The following ITPKB variants were observed in gnomAD, a reference collection of about 807,000 sequenced individuals.
ITPKB encodes the protein IP3 3-kinase B.
In ITPKB, 13 loss-of-function variants were observed where a neutral mutation model predicts 69.4. The observed-to-expected ratio is 0.19, with a 90% CI of 0.12 to 0.30. The LOEUF (loss-of-function observed/expected upper bound fraction) is 0.30. ITPKB is among the 10% of genes least tolerant of loss of function. ITPKB has a pLI of 1.00. For missense variants in ITPKB, 1,240 were observed against 1,250.5 expected (o/e 0.99, Z 0.13); for synonymous variants, 584 against 513.7 (o/e 1.14, Z -1.85).
At chr1:226,723,981 A>G (rs964106870) in intron 2 of ITPKB, among the ~76,000 whole-genome samples, 1 of 152,158 alleles carries the variant, frequency 6.6e-6, no homozygotes, top group Non-Finnish European at 1.5e-5. Context: ...GACTCGAGCC[A>G]ATTGGTGAAG....
At chr1:226,699,589 A>C (rs1477729227) in intron 2 of ITPKB, among the ~76,000 whole-genome samples, 2 of 152,256 alleles carry the variant, frequency 1.3e-5, no homozygotes, top group African/African-American at 4.8e-5. Context: ...AAATATTCAA[A>C]CCACTTAGAA....
At chr1:226,639,963 G>A (rs1447251231) in intron 5 of ITPKB, among the ~76,000 whole-genome samples, 7 of 152,144 alleles carry the variant, frequency 4.6e-5, no homozygotes, top group African/African-American at 1.2e-4. Flanking sequence ...AGCATGACCC[G>A]GGGCTGGCCT....
At chr1:226,719,701 G>A (rs1028839328) in intron 2 of ITPKB, among the ~76,000 whole-genome samples, 2 of 152,222 alleles carry the variant, frequency 1.3e-5, no homozygotes, top group Non-Finnish European at 2.9e-5. Context: ...TGCGCAGGCC[G>A]TGCAGCTCCA....
chr1:226,737,064 C>G lies in ITPKB; in HGVS notation c.395G>C (p.Arg132Pro), dbSNP rs749127079. 2 of 1,611,478 alleles carry G rather than the reference C, an allele frequency of 1.2e-6. No homozygotes were observed. Among genetic ancestry groups the G allele is most frequent in the African/African-American group, 2.7e-5 (2 of 75,054 alleles). ...GTTCTGCAACTCGCGCTGCAAGATC[C>G]GCAGCTTCCTCTTGGCCTCCTCCGG... Reference protein sequence around the residue: ...PGPEEAKRKLRILQRELQNVQ... With the variant: ...PGPEEAKRKLPILQRELQNVQ... Residue 132 changes from arginine (R) to proline (P), a missense_variant, in exon 2 of 8, where the codon CGG becomes CCG. Physicochemically the swap from Arg to Pro is moderately radical, Grantham distance 103. Coordinates refer to ENST00000429204, the MANE Select transcript of ITPKB (RefSeq NM_002221.4).
intron 2 of ITPKB, among the ~76,000 whole-genome samples, chr1:226,720,918 T>C (rs543209069): frequency 3.6e-4 from 55 of 152,140 alleles, no homozygotes; most frequent in Non-Finnish European, 6.9e-4. Flanking sequence ...GGCACCTGTC[T>C]GTAATCCCAG....
At chr1:226,711,225 A>G (rs945944233) in intron 2 of ITPKB, among the ~76,000 whole-genome samples, 8 of 152,120 alleles carry the variant, frequency 5.3e-5, no homozygotes, top group African/African-American at 1.7e-4. Context: ...GGCCAACACC[A>G]TGTCCAAGCT....
At position 226,637,346 on chromosome 1, in the gene ITPKB, T is replaced by C. The variant is rs900943506; in HGVS notation, c.2625+333A>G. Among the ~76,000 whole-genome samples the C allele has an allele frequency of 1.3e-5, 2 of 152,224 alleles. No homozygotes were observed. Among genetic ancestry groups the C allele is most frequent in the African/African-American group, 4.8e-5 (2 of 41,462 alleles). On this transcript the variant is annotated intron_variant, in intron 7 of 7. Transcript: ENST00000429204. The surrounding 1 kb of genome is among the most constrained non-coding windows in gnomAD (Gnocchi z 4.3). Reference sequence around the variant, plus strand: ...GCGGTCGGCGGGTGCCTGGCTACTCTAGCAGCTCAGAGAGCTTCTGCCCTG... The same window carrying C: ...GCGGTCGGCGGGTGCCTGGCTACTCCAGCAGCTCAGAGAGCTTCTGCCCTG...
rs1464437914 is a variant in ITPKB at position 226,708,033 on chromosome 1, T to C, written c.1932+27494A>G. The C allele has an allele frequency of 1.1e-4, 44 of 408,822 alleles. No homozygotes were observed. The South Asian group carries it at 1.2e-3, about 11-fold the overall frequency. The allele number at this position is 408,822 out of a possible 1,614,324, so 25.3% of individuals were successfully genotyped here. ...GGTAGGAGTAAGATGATGTAAATGA[T>C]GTAGTAGCTCAAAGTTCACACTCAG... On this transcript the variant is annotated intron_variant, in intron 2 of 7. Coordinates refer to ENST00000429204, the MANE Select transcript of ITPKB (RefSeq NM_002221.4).
chr1:226,700,357 T>C (rs150076966), intron 2 of ITPKB, among the ~76,000 whole-genome samples: 60 of 149,504 alleles, frequency 4.0e-4, no homozygotes, highest in African/African-American at 1.5e-3. Context: ...TAGTCCCACC[T>C]ACTCGGGAGG....
intron 2 of ITPKB, chr1:226,707,452 C>A (rs530193586): frequency 1.2e-6 from 1 of 823,208 alleles, no homozygotes; most frequent in South Asian, 5.6e-5. Flanking sequence ...CCGCCTTGGC[C>A]TCCTAAAGTG....
intron 2 of ITPKB, among the ~76,000 whole-genome samples, chr1:226,703,262 T>G (rs192273006): frequency 1.3e-5 from 2 of 152,300 alleles, no homozygotes; most frequent in East Asian, 3.9e-4. Context: ...ACCCGGGGTG[T>G]GAAAGCCTGC....
rs1420900192 is a variant in ITPKB at position 226,637,504 on chromosome 1, C to G, written c.2625+175G>C. Among the ~76,000 whole-genome samples, 2 of 152,154 alleles carry G rather than the reference C, an allele frequency of 1.3e-5. No individual in the cohort carries two copies. Among genetic ancestry groups the G allele is most frequent in the Non-Finnish European group, 2.9e-5 (2 of 68,026 alleles). On this transcript the variant is annotated intron_variant, in intron 7 of 7. Coordinates refer to ENST00000429204, the MANE Select transcript of ITPKB (RefSeq NM_002221.4). This position sits in a 1 kb window ranked among gnomAD's most constrained non-coding sequence, Gnocchi z 4.3. ...CAGGCAGGACAGCCCGTGTGGTCAC[C>G]CCAGGAAGCATTGAGACGCAGCTCC...
At chr1:226,671,392 G>A (rs1249997543) in intron 2 of ITPKB, among the ~76,000 whole-genome samples, 3 of 152,250 alleles carry the variant, frequency 2.0e-5, no homozygotes, top group African/African-American at 7.2e-5. Context: ...CAAATGTGAT[G>A]CCAAGTAAAA....
At position 226,648,667 on chromosome 1, in the gene ITPKB, TCTAC is replaced by T; in HGVS notation, c.2032+1_2032+4del. 1.9e-6 allele frequency: 3 copies of T among 1,580,720 alleles called. No homozygotes were observed. Among genetic ancestry groups the T allele is most frequent in the Non-Finnish European group, 2.6e-6 (3 of 1,149,450 alleles). On this transcript the variant is annotated splice_donor_variant and splice_donor_region_variant and intron_variant, in intron 3 of 7. Coordinates refer to ENST00000429204, the MANE Select transcript of ITPKB (RefSeq NM_002221.4). LOFTEE classifies it high-confidence loss of function. ...GCTGGGAAAGTCTGGGAGAGCTGTG[TCTAC>T]CTGCGTGTCCTGCCAGCTGGATCCA... is the stretch of plus-strand genomic sequence containing the variant.
At position 226,634,903 on chromosome 1, in the gene ITPKB, G is replaced by T; in HGVS notation, c.2626-17C>A. 6.3e-7 allele frequency: 1 copy of T among 1,597,422 alleles called. No individual in the cohort carries two copies. The highest frequency in any genetic ancestry group is 8.6e-7 in the Non-Finnish European group (1 of 1,167,954). On this transcript the variant is annotated splice_polypyrimidine_tract_variant and intron_variant, in intron 7 of 7. Transcript: ENST00000429204. This position sits in a 1 kb window ranked among gnomAD's most constrained non-coding sequence, Gnocchi z 6.3. The stretch of plus-strand genomic sequence containing the variant: ...GCCAATGACCTGAGGAGAACATGGG[G>T]GTGAAGGGTGAGCTGAAGCCCGGGC...
In ITPKB at chr1:226,635,648, C is replaced by T. The variant is rs548792873; in HGVS notation, c.2626-762G>A. ...CAGTGAAGGGGAAGGTGCCCAGGAG[C>T]GTCCAAACTATCCCGGGGCGGGGGT... On this transcript the variant is annotated intron_variant, in intron 7 of 7. Coordinates refer to ENST00000429204, the MANE Select transcript of ITPKB (RefSeq NM_002221.4). 5.3e-5 allele frequency among the ~76,000 whole-genome samples: 8 copies of T among 152,346 alleles called. No homozygotes were observed. In the East Asian group the frequency reaches 9.6e-4, roughly 18 times the overall value.
intron 2 of ITPKB, among the ~76,000 whole-genome samples, chr1:226,660,565 C>T (rs1453752731): frequency 2.0e-5 from 3 of 152,266 alleles, no homozygotes; most frequent in Non-Finnish European, 2.9e-5. Flanking sequence ...CTCTTAAGAA[C>T]TAAAAATAAT....
At chr1:226,668,896 A>G (rs985025411) in intron 2 of ITPKB, 1 of 151,978 alleles carries the variant, frequency 6.6e-6, no homozygotes, top group East Asian at 1.9e-4. Context: ...GCTACAGACC[A>G]CTATGAAAGT....
At chr1:226,653,402 TG>T (rs963622993) in intron 2 of ITPKB, among the ~76,000 whole-genome samples, 2 of 152,198 alleles carry the variant, frequency 1.3e-5, no homozygotes, top group Admixed American at 6.5e-5. Flanking sequence ...GCGGTTCCCC[TG>T]GACAGCCAGG....
Sources: allele counts gnomAD v4.1 joint callset (sites outside exome capture counted in the v4.1 genomes callset), GRCh38; gene constraint gnomAD v4.1.1; non-coding constraint Gnocchi (gnomAD v3.1); transcripts MANE v1.5; gene names NCBI Gene and HGNC (gene_info 2026-07-23, HGNC 2026-07-21).